Variants in SCFD2 observed in about 807,000 individuals in gnomAD.
SCFD2 encodes the protein sec1 family domain containing 2, also known as sec1 family domain-containing protein 2.
Under a neutral mutation model 58.9 loss-of-function variants are expected in SCFD2, and 54 were observed. The ratio of observed to expected loss-of-function variants is 0.92; its 90% CI spans 0.74 to 1.15. The LOEUF (loss-of-function observed/expected upper bound fraction) is 1.15, where lower values mean the gene tolerates loss of function less well. SCFD2 is among the 50% of genes most tolerant of loss of function. SCFD2 has a pLI of 0.00. For synonymous variants in SCFD2, 321 were observed against 335.9 expected (o/e 0.96, Z 0.49); for missense variants, 805 against 836.6 (o/e 0.96, Z 0.47).
At chr4:53,342,812 A>C (rs1370051647) in intron 2 of SCFD2, among the ~76,000 whole-genome samples, 1 of 152,188 alleles carries the variant, frequency 6.6e-6, no homozygotes, top group Non-Finnish European at 1.5e-5. Context: ...ACTCACTCAA[A>C]ACCGCTCAAC....
At chr4:53,098,175 C>T (rs970985451) in intron 5 of SCFD2, among the ~76,000 whole-genome samples, 29 of 152,048 alleles carry the variant, frequency 1.9e-4, no homozygotes, top group Non-Finnish European at 3.4e-4. Context: ...GTCTAAAATT[C>T]TCTTTTTTTG....
intron 4 of SCFD2, among the ~76,000 whole-genome samples, chr4:53,220,555 T>C (rs553274612): frequency 1.8e-4 from 28 of 152,230 alleles, no homozygotes; most frequent in African/African-American, 6.5e-4. Context: ...AATATTCTCA[T>C]ATAAAATGCA....
chr4:53,254,678 A>T (rs1360102601), intron 4 of SCFD2, among the ~76,000 whole-genome samples: 6 of 151,360 alleles, frequency 4.0e-5, no homozygotes, highest in African/African-American at 1.2e-4. Context: ...CATTTCTCTT[A>T]TTCTGAGATG....
At chr4:52,887,775 G>T (rs928933191) in intron 7 of SCFD2, among the ~76,000 whole-genome samples, 3 of 152,174 alleles carry the variant, frequency 2.0e-5, no homozygotes, top group Non-Finnish European at 4.4e-5. Context: ...GCAGTCCCGA[G>T]GAGTGCCTGG....
rs773142307 is a variant in SCFD2 at position 52,907,460 on chromosome 4, C to A, written c.1839G>T (p.Met613Ile). Residue 613 changes from methionine to isoleucine, a missense_variant, in exon 7 of 9, where the codon ATG (methionine) becomes ATT (isoleucine). This residue lies in a region of SCFD2 where 633 missense variants were observed against 646.8 expected (regional missense o/e 0.98). Coordinates refer to ENST00000401642, the MANE Select transcript of SCFD2 (RefSeq NM_152540.4). Reference sequence around the variant, plus strand: ...TACCTCTCCATGGTTACTTTACCTTCATGAACATGCTAAATCCAGTTTTAA... The same window carrying A: ...TACCTCTCCATGGTTACTTTACCTTAATGAACATGCTAAATCCAGTTTTAA... ...DLLKTGFSMF[M>I]KVSRPHPSDY... 2.5e-6 allele frequency: 4 copies of A among 1,613,910 alleles called. No individual in the cohort carries two copies. The highest frequency in any genetic ancestry group is 3.4e-6 in the Non-Finnish European group (4 of 1,179,780).
intron 2 of SCFD2, among the ~76,000 whole-genome samples, chr4:53,340,842 G>T (rs1733846799): frequency 6.6e-6 from 1 of 152,180 alleles, no homozygotes; most frequent in East Asian, 1.9e-4. Context: ...TGATACCCAG[G>T]CAAACAGGGT....
rs1333836000 is a variant in SCFD2 at position 53,251,362 on chromosome 4, A to G, written c.1311+22464T>C. On this transcript the variant is annotated intron_variant, in intron 4 of 8. Coordinates refer to ENST00000401642, the MANE Select transcript of SCFD2 (RefSeq NM_152540.4). Reference sequence around the variant, plus strand: ...TATTCCAATCAATAGAAAAAGAGGGAATCCTCCCTAACTCATTTTATGAGG... The same window carrying G: ...TATTCCAATCAATAGAAAAAGAGGGGATCCTCCCTAACTCATTTTATGAGG... 3.9e-5 allele frequency among the ~76,000 whole-genome samples: 6 copies of G among 152,310 alleles called. No individual in the cohort carries two copies. In the East Asian group the frequency reaches 1.2e-3, roughly 29 times the overall value.
rs539982703 is a variant in SCFD2 at position 53,263,573 on chromosome 4, T to C, written c.1311+10253A>G. On this transcript the variant is annotated intron_variant, in intron 4 of 8. Coordinates refer to ENST00000401642, the MANE Select transcript of SCFD2 (RefSeq NM_152540.4). ...AAGGTTTCAGGCTGGTACTGGGGAG[T>C]GTCTGCAAAGAGTCCTATAATGTGA... Among the ~76,000 whole-genome samples, 14 of 152,116 alleles carry C rather than the reference T, an allele frequency of 9.2e-5. No individual in the cohort carries two copies. The South Asian group carries it at 1.5e-3, about 16-fold the overall frequency.
Position 52,885,892 on chromosome 4 carries a change from C to T in SCFD2, c.1843-26G>A, listed in dbSNP as rs374287554. 6.8e-6 allele frequency: 11 copies of T among 1,613,096 alleles called. No homozygotes were observed. The African/African-American group carries it at 1.3e-4, about 20-fold the overall frequency. On this transcript the variant is annotated intron_variant, in intron 7 of 8. Coordinates refer to ENST00000401642, the MANE Select transcript of SCFD2 (RefSeq NM_152540.4). Reference sequence around the variant, plus strand: ...CTGCAAAACAAAACACCAGCAATATCAGATGGATGGCAGTGATGCAGGCAC... The same window carrying T: ...CTGCAAAACAAAACACCAGCAATATTAGATGGATGGCAGTGATGCAGGCAC...
intron 3 of SCFD2, among the ~76,000 whole-genome samples, chr4:53,286,246 C>T (rs1731665459): frequency 6.6e-6 from 1 of 152,172 alleles, no homozygotes; most frequent in South Asian, 2.1e-4. Flanking sequence ...TACCTGCACT[C>T]CTGGCACCTG....
intron 5 of SCFD2, among the ~76,000 whole-genome samples, chr4:53,009,438 C>T (rs983986279): frequency 8.5e-5 from 13 of 152,178 alleles, no homozygotes; most frequent in African/African-American, 3.1e-4. Context: ...GGAGAATCTA[C>T]TGGAAGAACA....
intron 5 of SCFD2, among the ~76,000 whole-genome samples, chr4:53,138,065 G>C (rs1258467199): frequency 6.6e-6 from 1 of 152,166 alleles, no homozygotes; most frequent in Non-Finnish European, 1.5e-5. Context: ...GATGAGAAAA[G>C]GGTGGGGAAG....
chr4:52,943,506 C>G (rs1056847501), intron 5 of SCFD2, among the ~76,000 whole-genome samples: 3 of 152,122 alleles, frequency 2.0e-5, no homozygotes, highest in African/African-American at 7.2e-5. Flanking sequence ...TAGTATTAAT[C>G]TGGCCTTCAA....
At position 53,352,721 on chromosome 4, in the gene SCFD2, G is replaced by A. The variant is rs1351239115; in HGVS notation, c.884C>T (p.Ser295Leu). The change falls in exon 2 of 9, where the codon TCA becomes TTA. Residue 295 changes from serine to leucine, a missense_variant. By Grantham distance (145) the Ser-to-Leu change is moderately radical (BLOSUM62 -2). This residue lies in a region of SCFD2 where 633 missense variants were observed against 646.8 expected (regional missense o/e 0.98). Transcript: ENST00000401642. ...GTGGCCTGGGAGCTGGGGAAGTGCT[G>A]AAATGATCTTCTCTACTAAGTTGTC... ...HGDNLVEKII[S>L]ALPQLPGHTN... 19 of 1,613,978 alleles carry A rather than the reference G, an allele frequency of 1.2e-5. No homozygotes were observed. The highest frequency in any genetic ancestry group is 1.5e-5 in the Non-Finnish European group (18 of 1,179,976).
intron 5 of SCFD2, among the ~76,000 whole-genome samples, chr4:53,047,278 A>T (rs937816286): frequency 1.3e-5 from 2 of 151,896 alleles, no homozygotes; most frequent in African/African-American, 4.8e-5. Flanking sequence ...TGAGACCCAG[A>T]CTCTACAAAA....
chr4:52,944,214 T>C (rs1462560730), intron 5 of SCFD2, among the ~76,000 whole-genome samples: 3 of 152,208 alleles, frequency 2.0e-5, no homozygotes, highest in Non-Finnish European at 4.4e-5. Flanking sequence ...GAGAATTCTC[T>C]TGTTTCTTTA....
At chr4:53,318,742 CCT>C (rs936560726) in intron 2 of SCFD2, among the ~76,000 whole-genome samples, 1 of 151,036 alleles carries the variant, frequency 6.6e-6, no homozygotes, top group African/African-American at 2.4e-5. Flanking sequence ...TTTTTTTTCC[CCT>C]GATGGCCAAA....
intron 4 of SCFD2, among the ~76,000 whole-genome samples, chr4:53,262,623 G>C: frequency 6.6e-6 from 1 of 152,218 alleles, no homozygotes; most frequent in East Asian, 1.9e-4. Context: ...GAAATCTGCT[G>C]TTACTCTGAT....
At chr4:53,243,663 C>A (rs1014669371) in intron 4 of SCFD2, among the ~76,000 whole-genome samples, 3 of 151,384 alleles carry the variant, frequency 2.0e-5, no homozygotes, top group African/African-American at 7.3e-5. Flanking sequence ...CTAAATGTCT[C>A]CATTAAAAGG....
Sources: allele counts gnomAD v4.1 joint callset (sites outside exome capture counted in the v4.1 genomes callset), GRCh38; gene constraint gnomAD v4.1.1; regional missense constraint gnomAD v4.1.1; transcripts MANE v1.5; gene names NCBI Gene and HGNC (gene_info 2026-07-23, HGNC 2026-07-21).